The following DIPK1B variants were observed in gnomAD, a reference collection of about 807,000 sequenced individuals.
The protein encoded by DIPK1B is divergent protein kinase domain 1B, also known as family with sequence similarity 69 member B.
Under a neutral mutation model 20.7 loss-of-function variants are expected in DIPK1B, and 17 were observed. That is an observed-to-expected ratio of 0.82 (90% CI 0.56 to 1.23). The LOEUF (loss-of-function observed/expected upper bound fraction) is 1.23. Ranked by LOEUF, DIPK1B falls within the 50% of genes most tolerant of loss-of-function variation. The pLI, the probability that DIPK1B is intolerant of heterozygous loss-of-function variation, is 0.00. For synonymous variants in DIPK1B, 343 were observed against 276.5 expected (o/e 1.24, Z -2.39); for missense variants, 648 against 601.8 (o/e 1.08, Z -0.80).
At chr9:136,715,163 C>G (rs892932261) in intron 1 of DIPK1B, among the ~76,000 whole-genome samples, 6 of 152,244 alleles carry the variant, frequency 3.9e-5, no homozygotes, top group South Asian at 4.1e-4. Flanking sequence ...AGTGGGGCCT[C>G]TCTGAGGGGA....
At chr9:136,722,323 G>A (rs778117673) in intron 4 of DIPK1B, 22 bp downstream of exon 4, 2 of 1,603,758 alleles carry the variant, frequency 1.2e-6, no homozygotes, top group Admixed American at 3.4e-5. Context: ...CTCCTAGGGG[G>A]CAGGGCAGGA....
Position 136,721,929 on chromosome 9 carries a change from G to A in DIPK1B, c.207G>A (p.Gln69=), listed in dbSNP as rs375569365. ...TGCACCTGTCTCCTCAGTGTGACCA[G>A]TACCGCAAGGGGATCATCTCGGGCT... is the stretch of plus-strand genomic sequence containing the variant. ...GHVCQVVICD[Q]YRKGIISGSV... The change falls in exon 3 of 5, where the codon CAG becomes CAA. Residue 69 remains glutamine (Q), a synonymous_variant. Coordinates refer to ENST00000371692, the MANE Select transcript of DIPK1B (RefSeq NM_152421.4). 8.1e-6 allele frequency: 13 copies of A among 1,613,406 alleles called. No individual in the cohort carries two copies. In the African/African-American group the frequency reaches 1.3e-4, roughly 17 times the overall value.
intron 2 of DIPK1B, among the ~76,000 whole-genome samples, chr9:136,720,341 G>A (rs967248407): frequency 1.3e-5 from 2 of 152,194 alleles, no homozygotes; most frequent in African/African-American, 2.4e-5. Context: ...TCCTTGGTGT[G>A]TGGGGGGCGG....
chr9:136,723,273 G>T lies in DIPK1B; in HGVS notation c.795G>T (p.Gly265=). ...ALQGALQQWL[G]PAWPWRAKIA... is the part of the protein sequence containing the mutation. ...AGGGTGCTCTCCAGCAGTGGCTGGG[G>T]CCTGCGTGGCCTTGGCGGGCCAAGA... Residue 265 remains glycine, a synonymous_variant, in exon 5 of 5, where the codon GGG becomes GGT. Transcript: ENST00000371692. The T allele has an allele frequency of 6.2e-7, 1 of 1,612,428 alleles. No homozygotes were observed. Among genetic ancestry groups the T allele is most frequent in the Non-Finnish European group, 8.5e-7 (1 of 1,179,716 alleles).
At chr9:136,713,450 A>T (rs1846453953) in intron 1 of DIPK1B, among the ~76,000 whole-genome samples, 1 of 152,184 alleles carries the variant, frequency 6.6e-6, no homozygotes, top group Admixed American at 6.5e-5. Context: ...CAGCAGGAGG[A>T]ACCCTGCCTG....
chr9:136,722,915 G>A, intron 4 of DIPK1B, 47 bp from the exon 5 acceptor site: 3 of 1,531,514 alleles, frequency 2.0e-6, no homozygotes, highest in East Asian at 2.3e-5. Flanking sequence ...CGTGCTCCCA[G>A]ACATCAAATC....
In DIPK1B at chr9:136,717,680, G is replaced by A. The variant is rs952139591; in HGVS notation, c.167G>A (p.Arg56His). 1.2e-6 allele frequency: 2 copies of A among 1,610,490 alleles called. No individual in the cohort carries two copies. Among genetic ancestry groups the A allele is most frequent in the Admixed American group, 1.7e-5 (1 of 60,008 alleles). Residue 56 changes from arginine (R) to histidine (H), a missense_variant, in exon 2 of 5, where the codon CGC becomes CAC. Coordinates refer to ENST00000371692, the MANE Select transcript of DIPK1B (RefSeq NM_152421.4). ...GTGCACTACTCGTCCTACTCGGAGC[G>A]CTGTCGCGGCCATGTCTGCCAGGTG... ...VYVHYSSYSE[R>H]CRGHVCQVVI... is the part of the protein sequence containing the mutation.
At chr9:136,719,245 CACAA>C (rs1192624093) in intron 2 of DIPK1B, among the ~76,000 whole-genome samples, 1 of 152,132 alleles carries the variant, frequency 6.6e-6, no homozygotes, top group Non-Finnish European at 1.5e-5. Flanking sequence ...GAGGTGCCCC[CACAA>C]ACAAGAGGAA....
At chr9:136,714,142 C>T (rs1483550774) in intron 1 of DIPK1B, among the ~76,000 whole-genome samples, 2 of 152,202 alleles carry the variant, frequency 1.3e-5, no homozygotes, top group African/African-American at 4.8e-5. Flanking sequence ...CCCCAGGATC[C>T]ACAGCAGGGT....
intron 1 of DIPK1B, among the ~76,000 whole-genome samples, chr9:136,714,709 G>A (rs956207675): frequency 2.6e-5 from 4 of 152,224 alleles, no homozygotes; most frequent in Non-Finnish European, 4.4e-5. Flanking sequence ...CTGAGGGGGC[G>A]GAGACCAACC....
In DIPK1B at chr9:136,723,322, G is replaced by A. The variant is rs770330516; in HGVS notation, c.844G>A (p.Val282Met). The A allele has an allele frequency of 6.2e-6, 10 of 1,613,042 alleles. No homozygotes were observed. Among genetic ancestry groups the A allele is most frequent in the East Asian group, 2.2e-5 (1 of 44,890 alleles). The part of the protein sequence containing the change: ...AKIAIGLLEF[V>M]EELFHGSYGT... ...GATCGCCATCGGCCTGCTGGAGTTC[G>A]TGGAGGAGCTCTTCCACGGCTCTTA... The change falls in exon 5 of 5, where the codon GTG becomes ATG. Residue 282 changes from valine (V) to methionine (M), a missense_variant. Transcript: ENST00000371692.
Position 136,717,616 on chromosome 9 carries a change from G to T in DIPK1B, c.103G>T (p.Ala35Ser). Residue 35 changes from alanine (A) to serine (S), a missense_variant, in exon 2 of 5, where the codon GCC becomes TCC. Ala to Ser is a moderately conservative substitution (Grantham distance 99). Transcript: ENST00000371692. ...PGLRVRCIFL[A>S]WLGVFAGSWL... ...CCTCAGGGTCCGCTGCATCTTCCTG[G>T]CCTGGCTGGGCGTCTTTGCAGGCAG... 1 of 1,603,618 alleles carries T rather than the reference G, an allele frequency of 6.2e-7. No homozygotes were observed. The highest frequency in any genetic ancestry group is 1.7e-4 in the Middle Eastern group (1 of 6,060).
intron 1 of DIPK1B, among the ~76,000 whole-genome samples, chr9:136,713,157 A>ACCCTGGT (rs1489215769): frequency 4.6e-5 from 7 of 151,748 alleles, no homozygotes; most frequent in African/African-American, 1.7e-4. Flanking sequence ...TAGCGCGGGG[A>ACCCTGGT]CCCTGCCCTG....
rs1846669851 is a variant in DIPK1B, at chr9:136,724,350, A to T, written c.*576A>T. 6.6e-6 allele frequency among the ~76,000 whole-genome samples: 1 copy of T among 152,212 alleles called. No homozygotes were observed. The highest frequency in any genetic ancestry group is 1.5e-5 in the Non-Finnish European group (1 of 68,044). On this transcript the variant is annotated 3_prime_UTR_variant, in exon 5 of 5. Transcript: ENST00000371692. ...AAAAGGTGTTCCAGTAAGAAAACAGATATATGCGGTATTTTAAAAACTGAT... is the reference window on the plus strand; with the variant it reads ...AAAAGGTGTTCCAGTAAGAAAACAGTTATATGCGGTATTTTAAAAACTGAT...
chr9:136,722,046 G>C lies in DIPK1B; in HGVS notation c.306+18G>C. ...GCCAGCAGGTATAGCCACTGGCAGG[G>C]CGGGTGGGCCTGGGGCTGATACTGC... On this transcript the variant is annotated intron_variant, in intron 3 of 4. Coordinates refer to ENST00000371692, the MANE Select transcript of DIPK1B (RefSeq NM_152421.4). 1 of 1,613,398 alleles carries C rather than the reference G, an allele frequency of 6.2e-7. No individual in the cohort carries two copies.
rs545853563 is a variant in DIPK1B at position 136,721,476 on chromosome 9, G to A, written c.199-445G>A. The A allele has an allele frequency of 1.1e-3, 203 of 181,840 alleles. 3 individuals carry two copies. In the South Asian group the frequency reaches 0.017, roughly 15 times the overall value. 11.3% of individuals were successfully genotyped at this position (181,840 alleles called of 1,614,324 possible). A position where few individuals can be genotyped will look rare whatever the true frequency, so the allele number is the denominator to read the frequency against. Reference sequence around the variant, plus strand: ...GAATGAAGAGTCAGGCAGAGAGCGCGCGTGTGGCAGCTGGTGGTGTAGATA... The same window carrying A: ...GAATGAAGAGTCAGGCAGAGAGCGCACGTGTGGCAGCTGGTGGTGTAGATA... On this transcript the variant is annotated intron_variant, in intron 2 of 4. Coordinates refer to ENST00000371692, the MANE Select transcript of DIPK1B (RefSeq NM_152421.4).
chr9:136,713,546 G>A (rs1048544719), intron 1 of DIPK1B, among the ~76,000 whole-genome samples: 1 of 152,190 alleles, frequency 6.6e-6, no homozygotes, highest in Non-Finnish European at 1.5e-5. Context: ...AGATTGCAGC[G>A]AGACCCTCTG....
At chr9:136,722,472 C>T in intron 4 of DIPK1B, 171 bp downstream of exon 4, 2 of 830,772 alleles carry the variant, frequency 2.4e-6, no homozygotes, top group East Asian at 2.7e-5. Context: ...AGGGAAGGAG[C>T]CTCTCCAGGG....
intron 1 of DIPK1B, among the ~76,000 whole-genome samples, chr9:136,717,101 T>C (rs944289301): frequency 6.6e-5 from 10 of 152,026 alleles, no homozygotes; most frequent in South Asian, 2.1e-4. Context: ...TGGTGGTGCA[T>C]GCCTGTAGTC....
Sources: gnomAD v4.1 joint callset for allele counts (sites outside exome capture counted in the v4.1 genomes callset) on GRCh38, gnomAD v4.1.1 for gene constraint, MANE v1.5 for transcripts, NCBI Gene and HGNC (gene_info 2026-07-23, HGNC 2026-07-21) for gene names.